Variants in LIMCH1 observed in about 807,000 individuals in gnomAD.
LIMCH1 encodes the protein LIM and calponin homology domains-containing protein 1.
Under a neutral mutation model 176.5 loss-of-function variants are expected in LIMCH1, and 113 were observed. The ratio of observed to expected loss-of-function variants is 0.64; its 90% CI spans 0.55 to 0.75. The LOEUF is 0.75. Among genes scored for constraint, LIMCH1 ranks in the 30% least tolerant of loss-of-function variants. The pLI is 0.00. For missense variants in LIMCH1, 1,674 were observed against 1,814.9 expected, an observed-to-expected ratio of 0.92 and a Z score of 1.41; for synonymous variants, 619 against 645.9, an observed-to-expected ratio of 0.96 and a Z score of 0.63.
At chr4:41,367,305 A>G (rs1160844977) in intron 1 of LIMCH1, among the ~76,000 whole-genome samples, 1 of 152,200 alleles carries the variant, frequency 6.6e-6, no homozygotes, top group African/African-American at 2.4e-5. Context: ...CTTGGCTGAT[A>G]CCTTTTCCCA....
intron 1 of LIMCH1, among the ~76,000 whole-genome samples, chr4:41,567,070 C>A (rs1013464712): frequency 6.6e-6 from 1 of 152,192 alleles, no homozygotes; most frequent in Non-Finnish European, 1.5e-5. Context: ...GTTCTGAGAA[C>A]TAGCAAGGGC....
At chr4:41,585,895 A>G (rs1250408339) in intron 1 of LIMCH1, among the ~76,000 whole-genome samples, 4 of 152,140 alleles carry the variant, frequency 2.6e-5, no homozygotes, top group African/African-American at 9.7e-5. Flanking sequence ...GAAATGTTAT[A>G]CTCCCTATTC....
In LIMCH1 at chr4:41,619,408, C is replaced by T; in HGVS notation, c.426C>T (p.Ala142=). The change falls in exon 6 of 32, where the codon GCC becomes GCT. Residue 142 remains alanine (A), a synonymous_variant. Coordinates refer to ENST00000503057, the MANE Select transcript of LIMCH1 (RefSeq NM_001330672.2). ...REEYRKSWST[A]TSPLGGERPF... is the part of the protein sequence containing the mutation. ...AATACCGCAAGAGCTGGAGTACCGC[C>T]ACCTCCCCGCTGGGTGGGGAGAGGC... 1 of 1,612,002 alleles carries T rather than the reference C, an allele frequency of 6.2e-7. No homozygotes were observed.
Position 41,661,472 on chromosome 4 carries a change from G to T in LIMCH1, c.3089G>T (p.Gly1030Val). Reference sequence around the variant, plus strand: ...AGTCAAGAGGACAAGAATGATGGTGGAAAATCAAGAAAAGGGAATATAGAA... The same window carrying T: ...AGTCAAGAGGACAAGAATGATGGTGTAAAATCAAGAAAAGGGAATATAGAA... ...PNSQEDKNDG[G>V]KSRKGNIELA... The change falls in exon 19 of 32, where the codon GGA becomes GTA. Residue 1030 changes from glycine (G) to valine (V), a missense_variant. Transcript: ENST00000503057. 1 of 1,612,754 alleles carries T rather than the reference G, an allele frequency of 6.2e-7. No homozygotes were observed. The highest frequency in any genetic ancestry group is 8.5e-7 in the Non-Finnish European group (1 of 1,179,534).
chr4:41,371,179 C>G (rs2053903917), intron 1 of LIMCH1, among the ~76,000 whole-genome samples: 2 of 152,198 alleles, frequency 1.3e-5, no homozygotes, highest in Admixed American at 6.5e-5. Flanking sequence ...TGACCTGCCT[C>G]TCTCCTTCTC....
At position 41,626,848 on chromosome 4, in the gene LIMCH1, A is replaced by G. The variant is rs2092988127; in HGVS notation, c.866A>G (p.Asp289Gly). 2 of 1,536,198 alleles carry G rather than the reference A, an allele frequency of 1.3e-6. No homozygotes were observed. The highest frequency in any genetic ancestry group is 1.7e-6 in the Non-Finnish European group (2 of 1,146,928). Residue 289 changes from aspartate to glycine, a missense_variant, in exon 8 of 32, where the codon GAT becomes GGT. Asp to Gly is a moderately conservative substitution (Grantham distance 94, BLOSUM62 -1). Transcript: ENST00000503057. ...TGTCGACTGCCTGATCTTGAGAAGGATGACTTTGCTGCAAGGAGAGCAAGG... is the reference window on the plus strand; with the variant it reads ...TGTCGACTGCCTGATCTTGAGAAGGGTGACTTTGCTGCAAGGAGAGCAAGG... ...VVCRLPDLEK[D>G]DFAARRARMN... is the part of the protein sequence containing the mutation.
chr4:41,461,290 C>T (rs143717113), intron 1 of LIMCH1, among the ~76,000 whole-genome samples: 3 of 152,252 alleles, frequency 2.0e-5, no homozygotes, highest in East Asian at 3.9e-4. Flanking sequence ...GAATCCATGC[C>T]GTTGGCCATG....
intron 5 of LIMCH1, among the ~76,000 whole-genome samples, chr4:41,617,406 C>T (rs914542668): frequency 2.0e-5 from 3 of 152,098 alleles, no homozygotes; most frequent in African/African-American, 7.2e-5. Context: ...CTGTACCCAC[C>T]TTTATAAAAT....
chr4:41,540,518 C>T (rs2078490422), intron 1 of LIMCH1, among the ~76,000 whole-genome samples: 1 of 152,190 alleles, frequency 6.6e-6, no homozygotes, highest in Non-Finnish European at 1.5e-5. Flanking sequence ...GCAGGTGGAT[C>T]ACCTGAGATC....
At chr4:41,599,592 G>A (rs1193662828) in intron 2 of LIMCH1, among the ~76,000 whole-genome samples, 2 of 152,340 alleles carry the variant, frequency 1.3e-5, no homozygotes, top group East Asian at 1.9e-4. Flanking sequence ...AAAAGAGACA[G>A]CAGTGTACTT....
chr4:41,381,188 A>G (rs1353094429), intron 1 of LIMCH1, among the ~76,000 whole-genome samples: 1 of 152,212 alleles, frequency 6.6e-6, no homozygotes, highest in East Asian at 1.9e-4. Context: ...GCACCAAGTG[A>G]GTGATTCTCA....
chr4:41,580,807 A>G (rs1299630739), intron 1 of LIMCH1, among the ~76,000 whole-genome samples: 3 of 152,360 alleles, frequency 2.0e-5, no homozygotes, highest in Non-Finnish European at 4.4e-5. Context: ...AAGAGTACAA[A>G]CTAAAGACAA....
rs182807490 is a variant in LIMCH1, at chr4:41,689,387, G to A, written c.4167-140G>A. On this transcript the variant is annotated intron_variant, in intron 29 of 31. Coordinates refer to ENST00000503057, the MANE Select transcript of LIMCH1 (RefSeq NM_001330672.2). ...ATGTTTAATCTCCTATTCATCATCA[G>A]TTCTGTCATTCTCATTTCATTCATG... is the stretch of plus-strand genomic sequence containing the variant. 328 of 549,992 alleles carry A rather than the reference G, an allele frequency of 6.0e-4. 5 individuals are homozygous for A. The South Asian group carries it at 6.5e-3, about 11-fold the overall frequency. The allele number at this position is 549,992 out of a possible 1,614,324, so 34.1% of individuals were successfully genotyped here.
In LIMCH1 at chr4:41,644,715, T is replaced by C. The variant is rs967158369; in HGVS notation, c.2253+89T>C. ...TGGGTAGACGTGGACTTGAAAGCCA[T>C]GCGGGGAAAGGGAGCCCCTAGAGGG... On this transcript the variant is annotated intron_variant, in intron 15 of 31. Transcript: ENST00000503057. The C allele has an allele frequency of 3.5e-5, 52 of 1,491,030 alleles. No individual in the cohort carries two copies. The African/African-American group carries it at 6.8e-4, about 19-fold the overall frequency. 92.4% of individuals were successfully genotyped at this position (1,491,030 alleles called of 1,614,324 possible).
At chr4:41,676,260 A>C in intron 22 of LIMCH1, 122 bp from the exon 23 acceptor site, 1 of 633,910 alleles carries the variant, frequency 1.6e-6, no homozygotes, top group Admixed American at 3.0e-5. Context: ...TAGATATATG[A>C]AGCCTTCTGC....
intron 29 of LIMCH1, chr4:41,688,851 G>T (rs1006731993): frequency 6.6e-6 from 1 of 152,496 alleles, no homozygotes; most frequent in African/African-American, 2.4e-5. Context: ...GAGGCTTCCA[G>T]TTTAGAGAGA....
At chr4:41,579,049 A>ATT (rs11285726) in intron 1 of LIMCH1, among the ~76,000 whole-genome samples, 1,667 of 144,948 alleles carry the variant, frequency 0.012, 37 homozygotes, top group African/African-American at 0.039. Flanking sequence ...AAAATGTGTG[A>ATT]TTTTTTTTTT....
Position 41,498,206 on chromosome 4 carries a change from C to T in LIMCH1, c.167+3600C>T, listed in dbSNP as rs183311376. 4.6e-5 allele frequency among the ~76,000 whole-genome samples: 7 copies of T among 152,008 alleles called. No individual in the cohort carries two copies. The East Asian group carries it at 7.7e-4, about 17-fold the overall frequency. On this transcript the variant is annotated intron_variant, in intron 2 of 26. Coordinates refer to the LIMCH1 transcript ENST00000313860. ...GCAGTCAAGACCAGATGGAGACAAA[C>T]GAGAATAGTGGACCTGGATTAAAGA... is the stretch of plus-strand genomic sequence containing the variant.
intron 1 of LIMCH1, among the ~76,000 whole-genome samples, chr4:41,445,541 G>C (rs2063199098): frequency 6.6e-6 from 1 of 152,164 alleles, no homozygotes; most frequent in African/African-American, 2.4e-5. Flanking sequence ...AATTGCAACT[G>C]AAGCACTGCT....
Sources: allele counts gnomAD v4.1 joint callset (sites outside exome capture counted in the v4.1 genomes callset), GRCh38; gene constraint gnomAD v4.1.1; transcripts MANE v1.5; gene names NCBI Gene and HGNC (gene_info 2026-07-23, HGNC 2026-07-21).